The following HNRNPUL1 variants were observed in gnomAD, a reference collection of about 807,000 sequenced individuals.
The protein encoded by HNRNPUL1 is heterogeneous nuclear ribonucleoprotein U like 1, also known as heterogeneous nuclear ribonucleoprotein U-like protein 1.
A neutral mutation model predicts 108.5 loss-of-function variants in HNRNPUL1; 14 were observed. The ratio of observed to expected loss-of-function variants is 0.13; its 90% CI spans 0.09 to 0.20. The LOEUF (loss-of-function observed/expected upper bound fraction) is 0.20, where lower values mean the gene tolerates loss of function less well. Ranked by LOEUF, HNRNPUL1 falls within the 10% of genes least tolerant of loss-of-function variation. HNRNPUL1 has a pLI of 1.00. For synonymous variants in HNRNPUL1, 422 were observed against 445.2 expected (o/e 0.95, Z 0.66); for missense variants, 804 against 1,168.3 (o/e 0.69, Z 4.55).
intron 7 of HNRNPUL1, among the ~76,000 whole-genome samples, chr19:41,282,940 C>T (rs927538425): frequency 3.3e-5 from 5 of 151,790 alleles, no homozygotes; most frequent in Non-Finnish European, 7.4e-5. Flanking sequence ...GTGATCCGCC[C>T]GCCTCGGCCT....
intron 7 of HNRNPUL1, among the ~76,000 whole-genome samples, chr19:41,281,662 T>C (rs1456047107): frequency 6.6e-6 from 1 of 152,128 alleles, no homozygotes; most frequent in African/African-American, 2.4e-5. Flanking sequence ...CATCATCTTA[T>C]CCCAAAACTT....
intron 2 of HNRNPUL1, among the ~76,000 whole-genome samples, chr19:41,269,085 A>G (rs1375647672): frequency 2.0e-5 from 3 of 152,022 alleles, no homozygotes; most frequent in East Asian, 1.9e-4. Context: ...AGCATGTGCT[A>G]TATCGTCTCT....
intron 13 of HNRNPUL1, 135 bp downstream of exon 13, chr19:41,304,396 CCTT>C (rs955362683): frequency 3.2e-5 from 46 of 1,429,252 alleles, no homozygotes; most frequent in Non-Finnish European, 3.8e-5. Flanking sequence ...TCTAGCCTGC[CCTT>C]CTTTCTCCCT....
chr19:41,268,140 C>A, intron 1 of HNRNPUL1, 83 bp from the exon 2 acceptor site: 1 of 1,390,588 alleles, frequency 7.2e-7, no homozygotes, highest in Admixed American at 2.0e-5. Flanking sequence ...AGCTCCTGGA[C>A]CTGCAGATGC....
chr19:41,277,243 G>C (rs2122586360), intron 5 of HNRNPUL1, among the ~76,000 whole-genome samples: 1 of 152,302 alleles, frequency 6.6e-6, no homozygotes. Flanking sequence ...CAAACTTACT[G>C]ATGATAGCTA....
chr19:41,279,275 G>A, intron 6 of HNRNPUL1, 99 bp downstream of exon 6: 1 of 803,782 alleles, frequency 1.2e-6, no homozygotes, highest in Admixed American at 2.0e-5. Flanking sequence ...GTCAGACTTA[G>A]AATAGAACTA....
upstream of HNRNPUL1, among the ~76,000 whole-genome samples, chr19:41,263,580 A>G (rs1327318621): frequency 6.6e-6 from 1 of 152,188 alleles, no homozygotes; most frequent in African/African-American, 2.4e-5. Context: ...TAGTTTCTAT[A>G]GCCAAACCTT....
intron 2 of HNRNPUL1, among the ~76,000 whole-genome samples, chr19:41,269,479 C>T (rs536725057): frequency 2.1e-4 from 12 of 57,754 alleles, no homozygotes; most frequent in Non-Finnish European, 3.3e-4. Flanking sequence ...GACCCTGTCA[C>T]GAAAAAAAAA....
chr19:41,306,390 G>A, intron 14 of HNRNPUL1, 59 bp from the exon 15 acceptor site: 1 of 1,155,808 alleles, frequency 8.7e-7, no homozygotes, highest in Non-Finnish European at 1.2e-6. Context: ...GGGGCTGGTG[G>A]GGAGGCTAAA....
At chr19:41,287,610 AGT>A (rs1278739478) in intron 7 of HNRNPUL1, among the ~76,000 whole-genome samples, 1 of 151,956 alleles carries the variant, frequency 6.6e-6, no homozygotes, top group Non-Finnish European at 1.5e-5. Context: ...CCCAATCTGG[AGT>A]GCAGTGGCGC....
intron 6 of HNRNPUL1, 64 bp downstream of exon 6, chr19:41,279,240 A>C: frequency 8.8e-7 from 1 of 1,142,308 alleles, no homozygotes; most frequent in South Asian, 1.2e-5. Flanking sequence ...TGGATTTTCA[A>C]GGCTCCTAAG....
chr19:41,282,620 T>G (rs1366512888), intron 7 of HNRNPUL1, among the ~76,000 whole-genome samples: 1 of 152,240 alleles, frequency 6.6e-6, no homozygotes, highest in Admixed American at 6.5e-5. Context: ...TACATACACA[T>G]AGAGAGTTAA....
Position 41,292,352 on chromosome 19 carries a change from T to C in HNRNPUL1, c.1107T>C (p.Tyr369=). ...QKEALGGQAL[Y]PHVLVKNCAV... ...AAGCCTTGGGGGGTCAGGCCCTCTA[T>C]CCTCATGTCCTGGTGAAGAATTGCG... Residue 369 remains tyrosine (Y), a synonymous_variant, in exon 8 of 15, where the codon TAT becomes TAC. Transcript: ENST00000392006. The surrounding 1 kb of genome is among the most constrained non-coding windows in gnomAD (Gnocchi z 4.1). 6.2e-7 allele frequency: 1 copy of C among 1,614,228 alleles called. No individual in the cohort carries two copies.
Position 41,305,845 on chromosome 19 carries a change from C to T in HNRNPUL1, c.2432C>T (p.Pro811Leu), listed in dbSNP as rs1242469032. ...CCCACTGCACAGACCTACCCTCAGC[C>T]CAGCTATAACCAGTATCAGCAGGTA... ...PPPTAQTYPQ[P>L]SYNQYQQYAQ... The change falls in exon 14 of 15, where the codon CCC becomes CTC. Residue 811 changes from proline (P) to leucine (L), a missense_variant. Pro to Leu is a moderately conservative substitution (Grantham distance 98). Around this residue, in one of 4 missense-constraint regions of HNRNPUL1, gnomAD observed 294 missense variants for 388.3 expected, o/e 0.76. Coordinates refer to ENST00000392006, the MANE Select transcript of HNRNPUL1 (RefSeq NM_007040.6). 6.2e-7 allele frequency: 1 copy of T among 1,605,952 alleles called. No homozygotes were observed. The highest frequency in any genetic ancestry group is 8.5e-7 in the Non-Finnish European group (1 of 1,175,324).
chr19:41,294,727 G>A lies in HNRNPUL1; in HGVS notation c.1518+41G>A, dbSNP rs1438746208. ...CATTGTGTCCTCAGGAGAAGGGAGGGGACCCCTTGCATGCCTGAGAATCTC... is the reference window on the plus strand; with the variant it reads ...CATTGTGTCCTCAGGAGAAGGGAGGAGACCCCTTGCATGCCTGAGAATCTC... On this transcript the variant is annotated intron_variant, in intron 10 of 14. Transcript: ENST00000392006. The surrounding 1 kb of genome is among the most constrained non-coding windows in gnomAD (Gnocchi z 4.3). The A allele has an allele frequency of 1.2e-6, 2 of 1,610,216 alleles. No individual in the cohort carries two copies. The highest frequency in any genetic ancestry group is 1.7e-6 in the Non-Finnish European group (2 of 1,177,190).
At position 41,272,376 on chromosome 19, in the gene HNRNPUL1, G is replaced by A. The variant is rs139706299; in HGVS notation, c.572+141G>A. 1,601 of 856,320 alleles carry A rather than the reference G, an allele frequency of 1.9e-3. 14 individuals carry two copies. The African/African-American group carries it at 0.024, about 13-fold the overall frequency. 53.0% of individuals were successfully genotyped at this position (856,320 alleles called of 1,614,324 possible). A position where few individuals can be genotyped will look rare whatever the true frequency, so the allele number is the denominator to read the frequency against. ...TTTCACACTCTTCCTGTCCCTTCCC[G>A]TACTTGCTACCAGATTCAGCTTTCC... On this transcript the variant is annotated intron_variant, in intron 3 of 14. Transcript: ENST00000392006.
rs1374948016 is a variant in HNRNPUL1 at position 41,305,684 on chromosome 19, C to T, written c.2271C>T (p.Tyr757=). The T allele has an allele frequency of 5.0e-6, 8 of 1,614,152 alleles. No individual in the cohort carries two copies. Among genetic ancestry groups the T allele is most frequent in the Non-Finnish European group, 6.8e-6 (8 of 1,179,996 alleles). The change falls in exon 14 of 15, where the codon TAC becomes TAT. Residue 757 remains tyrosine, a synonymous_variant. Coordinates refer to ENST00000392006, the MANE Select transcript of HNRNPUL1 (RefSeq NM_007040.6). ...TTCCCTCCACTTTCCAGCCGAGTTACAGCCAGCCACCCTACAACCAGGGAG... is the reference window on the plus strand; with the variant it reads ...TTCCCTCCACTTTCCAGCCGAGTTATAGCCAGCCACCCTACAACCAGGGAG... ...VSSYSPPQPS[Y]SQPPYNQGGY... is the part of the protein sequence containing the mutation.
intron 7 of HNRNPUL1, among the ~76,000 whole-genome samples, chr19:41,289,458 A>G (rs1291781896): frequency 2.6e-5 from 4 of 152,234 alleles, no homozygotes; most frequent in Non-Finnish European, 5.9e-5. Context: ...GTGAGACACC[A>G]GGCTATAAAA....
intron 3 of HNRNPUL1, among the ~76,000 whole-genome samples, chr19:41,273,774 A>G (rs767820824): frequency 5.3e-5 from 8 of 152,210 alleles, no homozygotes; most frequent in Non-Finnish European, 7.3e-5. Context: ...GCCTTCTTCA[A>G]TCCCTGTCTC....
Sources: allele counts gnomAD v4.1 joint callset (sites outside exome capture counted in the v4.1 genomes callset), GRCh38; gene constraint gnomAD v4.1.1; regional missense constraint gnomAD v4.1.1; non-coding constraint Gnocchi (gnomAD v3.1); transcripts MANE v1.5; gene names NCBI Gene and HGNC (gene_info 2026-07-23, HGNC 2026-07-21).